The following GSG1L variants were observed in gnomAD, a reference collection of about 807,000 sequenced individuals.
GSG1L encodes the protein germ cell-specific gene 1-like protein.
In GSG1L, 24 loss-of-function variants were observed where a neutral mutation model predicts 42.1. The observed-to-expected ratio is 0.57, with a 90% CI of 0.41 to 0.80. The LOEUF is 0.80. Ranked by LOEUF, GSG1L falls within the 30% of genes least tolerant of loss-of-function variation. The pLI is 0.00. For synonymous variants in GSG1L, 215 were observed against 203.5 expected, an observed-to-expected ratio of 1.06 and a Z score of -0.48; for missense variants, 445 against 472.2, an observed-to-expected ratio of 0.94 and a Z score of 0.53.
At chr16:27,865,297 C>T (rs1399992221) in intron 3 of GSG1L, among the ~76,000 whole-genome samples, 1 of 151,952 alleles carries the variant, frequency 6.6e-6, no homozygotes, top group African/African-American at 2.4e-5. Context: ...CCTGGATTGA[C>T]TAAGAATCAT....
intron 1 of GSG1L, among the ~76,000 whole-genome samples, chr16:28,037,621 G>T (rs761971120): frequency 2.0e-5 from 3 of 152,128 alleles, no homozygotes; most frequent in African/African-American, 7.2e-5. Context: ...TTTCACTGTT[G>T]ATACAAAATA....
At chr16:27,930,705 A>G (rs898048509) in intron 2 of GSG1L, among the ~76,000 whole-genome samples, 1 of 152,156 alleles carries the variant, frequency 6.6e-6, no homozygotes, top group Non-Finnish European at 1.5e-5. Context: ...TCCTTAAAGG[A>G]TGTCATTCAC....
intron 2 of GSG1L, among the ~76,000 whole-genome samples, chr16:27,955,029 C>G (rs764151815): frequency 6.6e-6 from 1 of 152,150 alleles, no homozygotes; most frequent in Non-Finnish European, 1.5e-5. Context: ...ATATTCTCCC[C>G]ATCTCCACTG....
chr16:27,898,534 C>T (rs984970201), intron 2 of GSG1L, among the ~76,000 whole-genome samples: 1 of 150,946 alleles, frequency 6.6e-6, no homozygotes, highest in African/African-American at 2.4e-5. Flanking sequence ...GCTTTGTTCC[C>T]TCCCCTGTCT....
intron 4 of GSG1L, among the ~76,000 whole-genome samples, chr16:27,835,850 C>T (rs1223674159): frequency 6.6e-6 from 1 of 152,102 alleles, no homozygotes; most frequent in Non-Finnish European, 1.5e-5. Flanking sequence ...TTTAGAATCA[C>T]ATCAGACTAT....
intron 2 of GSG1L, chr16:27,888,161 C>T (rs1213160426): frequency 3.0e-6 from 3 of 984,650 alleles, no homozygotes; most frequent in Non-Finnish European, 3.6e-6. Flanking sequence ...AGCTGCCTCC[C>T]CCACGCAGCC....
intron 1 of GSG1L, among the ~76,000 whole-genome samples, chr16:28,050,663 A>G (rs1226410805): frequency 6.6e-6 from 1 of 152,256 alleles, no homozygotes; most frequent in African/African-American, 2.4e-5. Context: ...CATCACCGTT[A>G]GAGAAAAAAT....
intron 1 of GSG1L, among the ~76,000 whole-genome samples, chr16:28,013,320 A>G (rs2085745561): frequency 6.6e-6 from 1 of 152,100 alleles, no homozygotes; most frequent in Non-Finnish European, 1.5e-5. Context: ...AGAGTTATAC[A>G]GTAGGAGCCA....
At chr16:27,980,401 C>T (rs991919366) in intron 1 of GSG1L, among the ~76,000 whole-genome samples, 9 of 152,048 alleles carry the variant, frequency 5.9e-5, no homozygotes, top group South Asian at 2.1e-4. Context: ...TGGGGAGAGG[C>T]GGGGAAGGCA....
At chr16:27,881,795 T>C (rs1164383860) in intron 3 of GSG1L, among the ~76,000 whole-genome samples, 1 of 152,120 alleles carries the variant, frequency 6.6e-6, no homozygotes, top group Non-Finnish European at 1.5e-5. Flanking sequence ...TATTTTCCCC[T>C]AACCACCCAC....
chr16:27,909,665 A>G (rs138522448), intron 2 of GSG1L, among the ~76,000 whole-genome samples: 2 of 139,290 alleles, frequency 1.4e-5, no homozygotes, highest in African/African-American at 5.4e-5. Context: ...TTTTTGAGAC[A>G]AGGTCTTGCT....
intron 5 of GSG1L, among the ~76,000 whole-genome samples, chr16:27,821,629 G>A (rs748514940): frequency 1.4e-4 from 22 of 152,094 alleles, no homozygotes; most frequent in Non-Finnish European, 2.4e-4. Context: ...GGCCGGGCGC[G>A]GTGGCTCACA....
At chr16:28,021,244 G>GC (rs1048263728) in intron 1 of GSG1L, among the ~76,000 whole-genome samples, 1 of 152,106 alleles carries the variant, frequency 6.6e-6, no homozygotes, top group Non-Finnish European at 1.5e-5. Context: ...CAGAAGGGGT[G>GC]CAAGTACACA....
chr16:28,005,279 A>C (rs1440459329), intron 1 of GSG1L, among the ~76,000 whole-genome samples: 1 of 152,024 alleles, frequency 6.6e-6, no homozygotes, highest in Non-Finnish European at 1.5e-5. Flanking sequence ...ATGCCCAGCT[A>C]ATTCTGTATT....
intron 2 of GSG1L, among the ~76,000 whole-genome samples, chr16:27,926,400 T>C (rs1314721251): frequency 6.6e-6 from 1 of 152,020 alleles, no homozygotes; most frequent in Non-Finnish European, 1.5e-5. Context: ...GCAGGCACAG[T>C]GGCTCATGCC....
chr16:27,844,024 T>A (rs2140982702), intron 4 of GSG1L, among the ~76,000 whole-genome samples: 1 of 152,270 alleles, frequency 6.6e-6, no homozygotes, highest in South Asian at 2.1e-4. Flanking sequence ...CAAGCTCAGA[T>A]GACTATACAG....
At chr16:27,822,963 C>A (rs2083165833) in intron 5 of GSG1L, among the ~76,000 whole-genome samples, 1 of 152,186 alleles carries the variant, frequency 6.6e-6, no homozygotes, top group Non-Finnish European at 1.5e-5. Context: ...TTCCGTCCCC[C>A]ACACAGTGCC....
chr16:28,013,390 GCATGTGCC>G (rs2085746809), intron 1 of GSG1L, among the ~76,000 whole-genome samples: 1 of 54,882 alleles, frequency 1.8e-5, no homozygotes, highest in African/African-American at 4.6e-5. Flanking sequence ...GGAAGAGATG[GCATGTGCC>G]CCTGCCACAG....
intron 1 of GSG1L, among the ~76,000 whole-genome samples, chr16:28,020,425 A>G (rs2085829256): frequency 6.6e-6 from 1 of 152,224 alleles, no homozygotes; most frequent in African/African-American, 2.4e-5. Context: ...TTTCTGAAAC[A>G]ATAACGATAA....
Sources: allele counts gnomAD v4.1 joint callset (sites outside exome capture counted in the v4.1 genomes callset), GRCh38; gene constraint gnomAD v4.1.1; transcripts MANE v1.5; gene names NCBI Gene and HGNC (gene_info 2026-07-23, HGNC 2026-07-21).